DPP3: variants seen among roughly 807,000 people sequenced by gnomAD.
DPP3 encodes the protein dipeptidyl peptidase 3.
DPP3 carries 64 observed loss-of-function variants against 89.8 expected under a neutral mutation model. That is an observed-to-expected ratio of 0.71 (90% CI 0.58 to 0.88). The LOEUF (loss-of-function observed/expected upper bound fraction) is 0.88, where lower values mean the gene tolerates loss of function less well. DPP3 is among the 40% of genes least tolerant of loss of function. The probability of loss-of-function intolerance (pLI) is 0.00; values close to 1 mark genes in which losing one functional copy is unlikely to be tolerated. For missense variants in DPP3, 835 were observed against 972.5 expected (o/e 0.86, Z 1.88); for synonymous variants, 377 against 404.3 (o/e 0.93, Z 0.81).
intron 6 of DPP3, 101 bp downstream of exon 6, chr11:66,488,108 C>T: frequency 2.0e-6 from 2 of 1,000,990 alleles, no homozygotes; most frequent in East Asian, 5.2e-5. Flanking sequence ...GAAAGAGCAT[C>T]CTTCTCTCCC....
At position 66,509,390 on chromosome 11, in the gene DPP3, A is replaced by C; in HGVS notation, c.*139A>C. The stretch of plus-strand genomic sequence containing the variant: ...TACTACCTCAGCTGAGGGTGGTGAC[A>C]CAACCCCTTCCATTTGTCAGCACTT... On this transcript the variant is annotated 3_prime_UTR_variant, in exon 18 of 18. Coordinates refer to ENST00000531863, the MANE Select transcript of DPP3 (RefSeq NM_130443.4). 6.5e-7 allele frequency: 1 copy of C among 1,538,356 alleles called. No individual in the cohort carries two copies. The highest frequency in any genetic ancestry group is 8.7e-7 in the Non-Finnish European group (1 of 1,146,874).
At chr11:66,491,220 C>A in intron 6 of DPP3, 33 bp from the exon 7 acceptor site, 3 of 1,611,522 alleles carry the variant, frequency 1.9e-6, no homozygotes, top group Non-Finnish European at 1.7e-6. Context: ...CTTACTCCAG[C>A]CTTTTCTCTT....
At chr11:66,492,480 G>C in intron 9 of DPP3, 1 of 486,480 alleles carries the variant, frequency 2.1e-6, no homozygotes, top group South Asian at 3.5e-5. Flanking sequence ...CCCAGGCCCA[G>C]GGAGAAGGGG....
intron 1 of DPP3, 38 bp from the exon 2 acceptor site, chr11:66,482,155 G>A (rs1225298178): frequency 5.0e-6 from 8 of 1,608,026 alleles, no homozygotes; most frequent in Non-Finnish European, 6.0e-6. Flanking sequence ...AATTGGTATG[G>A]GGTAAACAAC....
In DPP3 at chr11:66,495,186, A is replaced by G. The variant is rs1565272018; in HGVS notation, c.1390-20A>G. Reference sequence around the variant, plus strand: ...ATCCAGTTGGGGGCGCCTTTCCCTCACCCACCGTGTGTTCTGCAGGACGAA... The same window carrying G: ...ATCCAGTTGGGGGCGCCTTTCCCTCGCCCACCGTGTGTTCTGCAGGACGAA... On this transcript the variant is annotated intron_variant, in intron 12 of 17. Coordinates refer to ENST00000531863, the MANE Select transcript of DPP3 (RefSeq NM_130443.4). The G allele has an allele frequency of 1.2e-6, 2 of 1,611,926 alleles. No homozygotes were observed. The highest frequency in any genetic ancestry group is 8.5e-7 in the Non-Finnish European group (1 of 1,179,976).
intron 14 of DPP3, 66 bp downstream of exon 14, chr11:66,495,555 G>A (rs1855512260): frequency 6.2e-7 from 1 of 1,612,350 alleles, no homozygotes; most frequent in Admixed American, 1.7e-5. Flanking sequence ...GGCGTGGAGG[G>A]TGGGTGGTAG....
rs533087453 is a variant in DPP3 at position 66,488,594 on chromosome 11, C to A, written c.667+587C>A. Reference sequence around the variant, plus strand: ...AAAAAAAAAAAAAAAAGAGGCTGGCCCTTCCCAAACCACCTGCACTTGGGG... The same window carrying A: ...AAAAAAAAAAAAAAAAGAGGCTGGCACTTCCCAAACCACCTGCACTTGGGG... On this transcript the variant is annotated intron_variant, in intron 6 of 17. Transcript: ENST00000531863. Among the ~76,000 whole-genome samples the A allele has an allele frequency of 7.9e-5, 12 of 151,662 alleles. No individual in the cohort carries two copies. The East Asian group carries it at 2.1e-3, about 27-fold the overall frequency.
At position 66,497,406 on chromosome 11, in the gene DPP3, G is replaced by T. The variant is rs1940776835; in HGVS notation, c.1807G>T (p.Val603Phe). Residue 603 changes from valine to phenylalanine, a missense_variant, in exon 16 of 18, where the codon GTC (valine) becomes TTC (phenylalanine). Coordinates refer to ENST00000531863, the MANE Select transcript of DPP3 (RefSeq NM_130443.4). ...CTCCGATGGGCGCCCAGATGCCCGG[G>T]TCCGCCTCGACCGCAGCAAGATCCG... The part of the protein sequence containing the change: ...TGSDGRPDAR[V>F]RLDRSKIRSV... 6.2e-7 allele frequency: 1 copy of T among 1,613,766 alleles called. No homozygotes were observed. Among genetic ancestry groups the T allele is most frequent in the African/African-American group, 1.3e-5 (1 of 74,918 alleles).
At chr11:66,508,911 T>A (rs1220706607) in intron 17 of DPP3, among the ~76,000 whole-genome samples, 168 bp from the exon 18 acceptor site, 1 of 152,224 alleles carries the variant, frequency 6.6e-6, no homozygotes, top group East Asian at 1.9e-4. Context: ...ACAGGGTTAC[T>A]GTAAAGAGTA....
At chr11:66,496,053 C>T (rs1016842044) in intron 15 of DPP3, among the ~76,000 whole-genome samples, 2 of 152,178 alleles carry the variant, frequency 1.3e-5, no homozygotes, top group African/African-American at 4.8e-5. Flanking sequence ...CATGAATTAA[C>T]TACCCCAGGA....
In DPP3 at chr11:66,487,991, T is replaced by G; in HGVS notation, c.651T>G (p.Ala217=). ...EGKPYYEVRL[A]SVLGSEPSLD... The stretch of plus-strand genomic sequence containing the variant: ...AGCCCTACTACGAGGTGCGGCTGGC[T>G]TCTGTGCTTGGCTCAGGTGAGCTTA... The change falls in exon 6 of 18, where the codon GCT becomes GCG. Residue 217 remains alanine (A), a synonymous_variant. Coordinates refer to ENST00000531863, the MANE Select transcript of DPP3 (RefSeq NM_130443.4). The G allele has an allele frequency of 6.2e-7, 1 of 1,614,026 alleles. No individual in the cohort carries two copies. The highest frequency in any genetic ancestry group is 8.5e-7 in the Non-Finnish European group (1 of 1,179,956).
chr11:66,507,426 C>T (rs539993197), intron 17 of DPP3, among the ~76,000 whole-genome samples: 17 of 151,806 alleles, frequency 1.1e-4, no homozygotes, highest in Non-Finnish European at 1.9e-4. Context: ...AAGATTGCGT[C>T]ACTGCACTCC....
intron 15 of DPP3, among the ~76,000 whole-genome samples, chr11:66,496,795 G>A (rs934570803): frequency 4.6e-5 from 7 of 152,146 alleles, no homozygotes; most frequent in African/African-American, 1.7e-4. Context: ...AGAAATGTGG[G>A]TCTGAGTCCT....
At position 66,497,340 on chromosome 11, in the gene DPP3, G is replaced by C; in HGVS notation, c.1741G>C (p.Glu581Gln). 4 of 1,614,004 alleles carry C rather than the reference G, an allele frequency of 2.5e-6. No homozygotes were observed. Among genetic ancestry groups the C allele is most frequent in the Non-Finnish European group, 2.5e-6 (3 of 1,179,982 alleles). ...ARFVILRVLL[E>Q]AGEGLVTITP... ...GTTTGTGATCCTGAGAGTCTTGCTGGAGGCTGGCGAGGGACTCGTTACCAT... is the reference window on the plus strand; with the variant it reads ...GTTTGTGATCCTGAGAGTCTTGCTGCAGGCTGGCGAGGGACTCGTTACCAT... Residue 581 changes from glutamate to glutamine, a missense_variant, in exon 16 of 18, where the codon GAG (glutamate) becomes CAG (glutamine). Coordinates refer to ENST00000531863, the MANE Select transcript of DPP3 (RefSeq NM_130443.4).
chr11:66,489,523 T>TA (rs1194331666), intron 6 of DPP3, among the ~76,000 whole-genome samples: 1 of 152,208 alleles, frequency 6.6e-6, no homozygotes, highest in Non-Finnish European at 1.5e-5. Flanking sequence ...GGCCTATACT[T>TA]AGAGTACAAG....
At chr11:66,485,053 C>T in intron 2 of DPP3, 120 bp from the exon 3 acceptor site, 1 of 952,848 alleles carries the variant, frequency 1.0e-6, no homozygotes, top group Non-Finnish European at 1.6e-6. Context: ...AGGTCCTGCC[C>T]ACACATTTCC....
At chr11:66,483,026 AT>A (rs1362187180) in intron 2 of DPP3, 4 of 90,740 alleles carry the variant, frequency 4.4e-5, no homozygotes, top group African/African-American at 1.3e-4. Context: ...TCTCTTTTTT[AT>A]TTTTTATTTT....
intron 16 of DPP3, among the ~76,000 whole-genome samples, chr11:66,499,561 C>T (rs1855629030): frequency 6.6e-6 from 1 of 150,752 alleles, no homozygotes; most frequent in East Asian, 2.0e-4. Flanking sequence ...CCTGAGGTCA[C>T]GAGTTCAAGA....
At chr11:66,504,815 G>A in intron 17 of DPP3, 41 bp downstream of exon 17, 1 of 1,563,062 alleles carries the variant, frequency 6.4e-7, no homozygotes, top group Non-Finnish European at 8.7e-7. Context: ...CCCTTGATGA[G>A]CACCACACAG....
Sources: gnomAD v4.1 joint callset for allele counts (sites outside exome capture counted in the v4.1 genomes callset) on GRCh38, gnomAD v4.1.1 for gene constraint, MANE v1.5 for transcripts, NCBI Gene and HGNC (gene_info 2026-07-23, HGNC 2026-07-21) for gene names.